Variants in TMEM63B observed in about 807,000 individuals in gnomAD.
The protein encoded by TMEM63B is transmembrane protein 63B, also known as mechanosensitive cation channel TMEM63B.
In TMEM63B, 23 loss-of-function variants were observed where a neutral mutation model predicts 102.6. The observed-to-expected ratio is 0.22, with a 90% CI of 0.16 to 0.32. The LOEUF (loss-of-function observed/expected upper bound fraction) is 0.32. TMEM63B is among the 10% of genes least tolerant of loss of function. TMEM63B has a pLI of 1.00. For missense variants in TMEM63B, 628 were observed against 1,095.9 expected, an observed-to-expected ratio of 0.57 and a Z score of 6.03; for synonymous variants, 444 against 437.0, an observed-to-expected ratio of 1.02 and a Z score of -0.20.
intron 6 of TMEM63B, 41 bp from the exon 7 acceptor site, chr6:44,139,426 G>A: frequency 1.2e-6 from 2 of 1,608,224 alleles, no homozygotes; most frequent in Non-Finnish European, 1.7e-6. Flanking sequence ...TTCTTGCCCT[G>A]GTCCTAACCT....
In TMEM63B at chr6:44,152,606, A is replaced by C. The variant is rs1349828939; in HGVS notation, c.1850A>C (p.Glu617Ala). The C allele has an allele frequency of 6.2e-7, 1 of 1,607,644 alleles. No homozygotes were observed. The highest frequency in any genetic ancestry group is 1.1e-5 in the South Asian group (1 of 91,006). Residue 617 changes from glutamate (E) to alanine (A), a missense_variant, in exon 20 of 24, where the codon GAG (glutamate) becomes GCG (alanine). By Grantham distance (107) the Glu-to-Ala change is moderately radical. Around this residue, in one of 6 missense-constraint regions of TMEM63B, gnomAD observed 90 missense variants for 136.7 expected, o/e 0.66. Transcript: ENST00000323267. This position sits in a 1 kb window ranked among gnomAD's most constrained non-coding sequence, Gnocchi z 6.4. ...RRNVKRHQAY[E>A]FQFGAAYAWM... ...TCTCCCCCCCAGCATCAGGCCTACG[A>C]GTTCCAGTTTGGCGCAGCCTACGCC... is the stretch of plus-strand genomic sequence containing the variant.
intron 1 of TMEM63B, among the ~76,000 whole-genome samples, chr6:44,128,074 C>A (rs1777548870): frequency 6.6e-6 from 1 of 152,088 alleles, no homozygotes; most frequent in African/African-American, 2.4e-5. Context: ...GAACTAGCCG[C>A]CCCCGCCCCC....
chr6:44,149,016 TC>T, intron 15 of TMEM63B, 71 bp downstream of exon 15: 1 of 1,609,734 alleles, frequency 6.2e-7, no homozygotes, highest in Non-Finnish European at 8.5e-7. Context: ...TGATCCCTCT[TC>T]CACTTGCCCA....
intron 10 of TMEM63B, among the ~76,000 whole-genome samples, chr6:44,145,033 T>C (rs946888860): frequency 6.6e-6 from 1 of 152,082 alleles, no homozygotes; most frequent in Non-Finnish European, 1.5e-5. Context: ...TCCCAGCACT[T>C]TGGGGAGCCG....
chr6:44,139,627 CG>C lies in TMEM63B; in HGVS notation c.550+20del, dbSNP rs1276333311. On this transcript the variant is annotated intron_variant, in intron 7 of 23. Transcript: ENST00000323267. Reference sequence around the variant, plus strand: ...CCTGCTGGGTCAGTGAGGGCCAGGACGGCTAGGGTGGAGAGAGGATGGGGCT... The same window carrying C: ...CCTGCTGGGTCAGTGAGGGCCAGGACGCTAGGGTGGAGAGAGGATGGGGCT... 1.9e-6 allele frequency: 3 copies of C among 1,613,978 alleles called. No homozygotes were observed. The highest frequency in any genetic ancestry group is 2.5e-6 in the Non-Finnish European group (3 of 1,180,016).
chr6:44,137,306 G>T (rs1157678732), intron 5 of TMEM63B, among the ~76,000 whole-genome samples: 1 of 152,180 alleles, frequency 6.6e-6, no homozygotes, highest in African/African-American at 2.4e-5. Flanking sequence ...TTCCATGAGG[G>T]TAAGGAGCCT....
In TMEM63B at chr6:44,150,038, T is replaced by C. The variant is rs549982872; in HGVS notation, c.1520+73T>C. ...TGACCCATCCTCTCTGGGCAGCACT[T>C]TGCCCTTCAGGCTCCTGGCCCTGGG... is the stretch of plus-strand genomic sequence containing the variant. On this transcript the variant is annotated intron_variant, in intron 16 of 23. Transcript: ENST00000323267. This position sits in a 1 kb window ranked among gnomAD's most constrained non-coding sequence, Gnocchi z 4.7. 1 of 1,489,230 alleles carries C rather than the reference T, an allele frequency of 6.7e-7. No homozygotes were observed. The highest frequency in any genetic ancestry group is 1.2e-5 in the South Asian group (1 of 84,034). 92.3% of individuals were successfully genotyped at this position (1,489,230 alleles called of 1,614,324 possible). A position where few individuals can be genotyped will look rare whatever the true frequency, so the allele number is the denominator to read the frequency against.
Position 44,128,140 on chromosome 6 carries a change from C to G in TMEM63B, c.-25+462C>G, listed in dbSNP as rs542495859. Among the ~76,000 whole-genome samples the G allele has an allele frequency of 2.0e-5, 3 of 152,172 alleles. No individual in the cohort carries two copies. The South Asian group carries it at 6.2e-4, about 31-fold the overall frequency. On this transcript the variant is annotated intron_variant, in intron 1 of 23. Coordinates refer to ENST00000323267, the MANE Select transcript of TMEM63B (RefSeq NM_018426.3). ...ATGCCTTCTGTGCCTTTTATTTTTT[C>G]TGCTGCTCCCGGGGGCGAGTACACC...
chr6:44,129,159 G>A (rs1777808619), intron 1 of TMEM63B, among the ~76,000 whole-genome samples: 1 of 152,140 alleles, frequency 6.6e-6, no homozygotes, highest in Non-Finnish European at 1.5e-5. Flanking sequence ...CTTGAGGTCA[G>A]GAGTTCGAGA....
In TMEM63B at chr6:44,150,619, A is replaced by G. The variant is rs1485566045; in HGVS notation, c.1663A>G (p.Ile555Val). 1.2e-6 allele frequency: 2 copies of G among 1,613,946 alleles called. No individual in the cohort carries two copies. The highest frequency in any genetic ancestry group is 1.7e-4 in the Middle Eastern group (1 of 6,058). Residue 555 changes from isoleucine to valine, a missense_variant, in exon 18 of 24, where the codon ATT becomes GTT. This residue lies in a region of TMEM63B where 61 missense variants were observed against 176.0 expected (regional missense o/e 0.35). Transcript: ENST00000323267. The surrounding 1 kb of genome is among the most constrained non-coding windows in gnomAD (Gnocchi z 4.7). ...TAAGAAATTCTTGGCTGAGGCAGCT[A>G]TTCGGTTTGAGTGAGTGACTGGGGC... The part of the protein sequence containing the change: ...FDKKFLAEAA[I>V]RFECVFLPDN...
intron 18 of TMEM63B, 120 bp from the exon 19 acceptor site, chr6:44,151,726 G>A: frequency 8.3e-7 from 1 of 1,207,936 alleles, no homozygotes; most frequent in Non-Finnish European, 1.2e-6. Flanking sequence ...CTAAGCTGGG[G>A]GTGTCCACAT....
intron 21 of TMEM63B, 24 bp downstream of exon 21, chr6:44,153,867 C>CG (rs751008494): frequency 1.9e-6 from 3 of 1,604,596 alleles, no homozygotes; most frequent in South Asian, 1.1e-5. Flanking sequence ...ACCCAGGGAA[C>CG]GGGGGGTGGC....
In TMEM63B at chr6:44,154,116, C is replaced by T; in HGVS notation, c.2154C>T (p.Val718=). The T allele has an allele frequency of 3.7e-6, 6 of 1,614,150 alleles. No individual in the cohort carries two copies. The highest frequency in any genetic ancestry group is 5.1e-6 in the Non-Finnish European group (6 of 1,179,998). ...PTSMFTFVVL[V]ITIVICLCHV... ...CTATGTTCACATTTGTGGTCCTGGT[C>T]ATCACCATCGTCATCTGTCTCTGCC... The change falls in exon 22 of 24, where the codon GTC becomes GTT. Residue 718 remains valine, a synonymous_variant. Coordinates refer to ENST00000323267, the MANE Select transcript of TMEM63B (RefSeq NM_018426.3).
intron 8 of TMEM63B, 118 bp from the exon 9 acceptor site, chr6:44,140,134 G>A: frequency 3.9e-6 from 3 of 776,928 alleles, no homozygotes; most frequent in South Asian, 1.7e-5. Flanking sequence ...GTGCCAGAAG[G>A]CTGGTGGCAG....
intron 11 of TMEM63B, 36 bp from the exon 12 acceptor site, chr6:44,147,341 C>A: frequency 6.2e-7 from 1 of 1,613,964 alleles, no homozygotes; most frequent in South Asian, 1.1e-5. Context: ...CAGCCCCAGC[C>A]CCAGATGTAG....
intron 5 of TMEM63B, 35 bp downstream of exon 5, chr6:44,136,474 AC>A: frequency 7.7e-7 from 1 of 1,305,290 alleles, no homozygotes; most frequent in Non-Finnish European, 1.0e-6. Flanking sequence ...TTAGTCCCCC[AC>A]CCCACCCCCA....
At chr6:44,145,289 A>G (rs1486964746) in intron 10 of TMEM63B, among the ~76,000 whole-genome samples, 8 of 151,416 alleles carry the variant, frequency 5.3e-5, no homozygotes, top group African/African-American at 1.9e-4. Context: ...AAAAAAAAAA[A>G]AAGCTATTAG....
In TMEM63B at chr6:44,154,770, C is replaced by T; in HGVS notation, c.2386C>T (p.Pro796Ser). 1 of 1,608,312 alleles carries T rather than the reference C, an allele frequency of 6.2e-7. No individual in the cohort carries two copies. Among genetic ancestry groups the T allele is most frequent in the Non-Finnish European group, 8.5e-7 (1 of 1,178,166 alleles). The part of the protein sequence containing the change: ...DGAPGSSGDE[P>S]PSSSSQDEEL... ...GGCTCCTGGGAGCTCAGGGGATGAGCCCCCATCATCCTCATCCCAAGATGA... is the reference window on the plus strand; with the variant it reads ...GGCTCCTGGGAGCTCAGGGGATGAGTCCCCATCATCCTCATCCCAAGATGA... The change falls in exon 24 of 24, where the codon CCC becomes TCC. Residue 796 changes from proline (P) to serine (S), a missense_variant. Pro to Ser is a moderately conservative substitution (Grantham distance 74, BLOSUM62 -1). This residue lies in a region of TMEM63B where 129 missense variants were observed against 153.5 expected (regional missense o/e 0.84). Transcript: ENST00000323267.
intron 1 of TMEM63B, among the ~76,000 whole-genome samples, chr6:44,133,458 C>T (rs141085758): frequency 6.6e-6 from 1 of 152,302 alleles, no homozygotes; most frequent in East Asian, 1.9e-4. Flanking sequence ...CAGCCCGCCC[C>T]CGAGGCAGAG....
Sources: allele counts gnomAD v4.1 joint callset (sites outside exome capture counted in the v4.1 genomes callset), GRCh38; gene constraint gnomAD v4.1.1; regional missense constraint gnomAD v4.1.1; non-coding constraint Gnocchi (gnomAD v3.1); transcripts MANE v1.5; gene names NCBI Gene and HGNC (gene_info 2026-07-23, HGNC 2026-07-21).